The following MKX variants were observed in gnomAD, a reference collection of about 807,000 sequenced individuals.
MKX encodes homeobox protein Mohawk.
MKX carries 13 observed loss-of-function variants against 36.0 expected under a neutral mutation model. The ratio of observed to expected loss-of-function variants is 0.36; its 90% CI spans 0.24 to 0.57. The LOEUF is 0.57. Among genes scored for constraint, MKX ranks in the 20% least tolerant of loss-of-function variants. MKX has a pLI of 0.79. For missense variants in MKX, 458 were observed against 456.4 expected (o/e 1.00, Z -0.03); for synonymous variants, 176 against 178.3 (o/e 0.99, Z 0.10).
At chr10:27,727,764 T>C (rs992148215) in intron 5 of MKX, among the ~76,000 whole-genome samples, 2 of 152,184 alleles carry the variant, frequency 1.3e-5, no homozygotes, top group Non-Finnish European at 2.9e-5. Flanking sequence ...AAGTTTCCGA[T>C]TGTGATTAAC....
At chr10:27,710,738 A>G (rs1312265725) in intron 5 of MKX, among the ~76,000 whole-genome samples, 1 of 152,172 alleles carries the variant, frequency 6.6e-6, no homozygotes, top group Non-Finnish European at 1.5e-5. Context: ...GGCTCACTGC[A>G]ACTTCCACCT....
chr10:27,691,675 G>A (rs959663851), intron 5 of MKX, among the ~76,000 whole-genome samples: 4 of 152,186 alleles, frequency 2.6e-5, no homozygotes, highest in Admixed American at 6.5e-5. Context: ...CACAGTACCC[G>A]ATAGGCAGCT....
intron 5 of MKX, among the ~76,000 whole-genome samples, chr10:27,702,847 G>A (rs1589668872): frequency 1.3e-5 from 2 of 152,140 alleles, no homozygotes; most frequent in South Asian, 2.1e-4. Context: ...TATATTTTCT[G>A]GTTTCATTTT....
chr10:27,728,829 G>A (rs562790242), intron 5 of MKX, among the ~76,000 whole-genome samples: 1 of 152,268 alleles, frequency 6.6e-6, no homozygotes, highest in East Asian at 1.9e-4. Context: ...GTCATTATGA[G>A]CCAAGAAAAA....
rs1475684023 is a variant in MKX at position 27,725,341 on chromosome 10, T to TGTTA, written c.838+9111_838+9114dup. Reference sequence around the variant, plus strand: ...AGAGAGAAAAAGTTCATTACGCAGCTGTTATTTAAACACACCACCCTTCAT... The same window carrying TGTTA: ...AGAGAGAAAAAGTTCATTACGCAGCTGTTAGTTATTTAAACACACCACCCTTCAT... On this transcript the variant is annotated intron_variant, in intron 5 of 6. Coordinates refer to ENST00000419761, the MANE Select transcript of MKX (RefSeq NM_173576.3). 2.6e-5 allele frequency among the ~76,000 whole-genome samples: 4 copies of TGTTA among 152,200 alleles called. 1 individual carries two copies. Among genetic ancestry groups the TGTTA allele is most frequent in the African/African-American group, 4.8e-5 (2 of 41,462 alleles).
intron 5 of MKX, among the ~76,000 whole-genome samples, chr10:27,698,627 G>A (rs904227317): frequency 2.0e-5 from 3 of 152,206 alleles, no homozygotes; most frequent in African/African-American, 7.2e-5. Flanking sequence ...TCACTTTGAA[G>A]GACGCAGGAC....
rs768566831 is a variant in MKX, at chr10:27,675,363, T to G, written c.925A>C (p.Asn309His). ...AGATTTGTTAAGGCCATAGCTGCGTTGATCTCCTTCCAATACGTGTCATCC... is the reference window on the plus strand; with the variant it reads ...AGATTTGTTAAGGCCATAGCTGCGTGGATCTCCTTCCAATACGTGTCATCC... ...SKDDTYWKEI[N>H]AAMALTNLAQ... The change falls in exon 7 of 7, where the codon AAC (asparagine) becomes CAC (histidine). Residue 309 changes from asparagine (N) to histidine (H), a missense_variant. Physicochemically the swap from Asn to His is moderately conservative, Grantham distance 68 (BLOSUM62 1). This residue lies in a region of MKX where 297 missense variants were observed against 304.4 expected (regional missense o/e 0.98). Coordinates refer to ENST00000419761, the MANE Select transcript of MKX (RefSeq NM_173576.3). 6 of 1,614,236 alleles carry G rather than the reference T, an allele frequency of 3.7e-6. No individual in the cohort carries two copies. The highest frequency in any genetic ancestry group is 5.1e-6 in the Non-Finnish European group (6 of 1,180,046).
chr10:27,732,948 C>T (rs1208140286), intron 5 of MKX, among the ~76,000 whole-genome samples: 1 of 152,106 alleles, frequency 6.6e-6, no homozygotes, highest in Non-Finnish European at 1.5e-5. Flanking sequence ...GGGGGTCTCA[C>T]CATATTGCCC....
At chr10:27,732,819 C>G (rs1263944816) in intron 5 of MKX, among the ~76,000 whole-genome samples, 2 of 152,086 alleles carry the variant, frequency 1.3e-5, no homozygotes, top group Non-Finnish European at 2.9e-5. Flanking sequence ...ATGATCACGG[C>G]TCACTGCAGC....
chr10:27,684,351 C>T (rs1444866539), intron 5 of MKX, among the ~76,000 whole-genome samples: 2 of 152,006 alleles, frequency 1.3e-5, no homozygotes, highest in African/African-American at 4.8e-5. Flanking sequence ...CAAACACACA[C>T]ACACACATAT....
intron 5 of MKX, among the ~76,000 whole-genome samples, chr10:27,709,675 C>A (rs1836819106): frequency 6.6e-6 from 1 of 152,116 alleles, no homozygotes; most frequent in Non-Finnish European, 1.5e-5. Context: ...GGATACTAGC[C>A]AGTTTTAAGC....
At chr10:27,684,093 T>G (rs1455142443) in intron 5 of MKX, among the ~76,000 whole-genome samples, 1 of 151,776 alleles carries the variant, frequency 6.6e-6, no homozygotes, top group East Asian at 1.9e-4. Context: ...GTGGGAGGAT[T>G]GCTTGAGCCC....
intron 5 of MKX, among the ~76,000 whole-genome samples, chr10:27,681,525 T>C (rs1007963023): frequency 6.6e-6 from 1 of 152,208 alleles, no homozygotes; most frequent in Non-Finnish European, 1.5e-5. Flanking sequence ...TTATATACAG[T>C]ACATAATACT....
At chr10:27,685,236 T>TAC (rs1308831781) in intron 5 of MKX, among the ~76,000 whole-genome samples, 19 of 21,690 alleles carry the variant, frequency 8.8e-4, no homozygotes, top group Non-Finnish European at 2.5e-3. Context: ...ATGCATTGTA[T>TAC]ATGAAAGCCT....
intron 5 of MKX, among the ~76,000 whole-genome samples, chr10:27,694,829 C>T (rs1340043449): frequency 4.0e-5 from 6 of 151,372 alleles, no homozygotes; most frequent in Non-Finnish European, 8.8e-5. Context: ...AAGCCTGGCA[C>T]TCGTACACAA....
chr10:27,740,616 AC>A (rs752140029), intron 3 of MKX, among the ~76,000 whole-genome samples: 25 of 152,206 alleles, frequency 1.6e-4, no homozygotes, highest in Non-Finnish European at 2.8e-4. Flanking sequence ...AACGTTGTTC[AC>A]CAGAGAACAC....
chr10:27,696,755 C>G (rs1290587669), intron 5 of MKX, among the ~76,000 whole-genome samples: 2 of 152,050 alleles, frequency 1.3e-5, no homozygotes, highest in Non-Finnish European at 2.9e-5. Flanking sequence ...CATGAACTAG[C>G]ATCCTACGTA....
intron 5 of MKX, among the ~76,000 whole-genome samples, chr10:27,685,556 C>T (rs1034895170): frequency 6.6e-6 from 1 of 151,254 alleles, no homozygotes; most frequent in Non-Finnish European, 1.5e-5. Context: ...GCACGCCATT[C>T]TCCTGCCTCA....
chr10:27,682,033 C>T (rs1026361856), intron 5 of MKX, among the ~76,000 whole-genome samples: 2 of 152,064 alleles, frequency 1.3e-5, no homozygotes, highest in South Asian at 2.1e-4. Context: ...CGTGTTATTG[C>T]CCCTGAAGAC....
Sources: gnomAD v4.1 joint callset for allele counts (sites outside exome capture counted in the v4.1 genomes callset) on GRCh38, gnomAD v4.1.1 for gene constraint, gnomAD v4.1.1 regional missense constraint, MANE v1.5 for transcripts, NCBI Gene and HGNC (gene_info 2026-07-23, HGNC 2026-07-21) for gene names.